The following STOM variants were observed in gnomAD, a reference collection of about 807,000 sequenced individuals.
STOM encodes erythrocyte band 7 integral membrane protein.
STOM carries 25 observed loss-of-function variants against 30.6 expected under a neutral mutation model. That is an observed-to-expected ratio of 0.82 (90% CI 0.60 to 1.14). STOM has a LOEUF of 1.14. Ranked by LOEUF, STOM falls within the 50% of genes most tolerant of loss-of-function variation. The pLI is 0.00. For synonymous variants in STOM, 118 were observed against 130.8 expected (o/e 0.90, Z 0.67); for missense variants, 292 against 365.2 (o/e 0.80, Z 1.63).
intron 3 of STOM, among the ~76,000 whole-genome samples, chr9:121,353,864 A>C (rs530436945): frequency 4.6e-5 from 7 of 152,218 alleles, no homozygotes; most frequent in Non-Finnish European, 1.0e-4. Flanking sequence ...CTCAAGACTC[A>C]GTCAAGATGT....
At chr9:121,361,948 A>G (rs1227928277) in intron 1 of STOM, among the ~76,000 whole-genome samples, 3 of 152,202 alleles carry the variant, frequency 2.0e-5, no homozygotes, top group African/African-American at 7.2e-5. Context: ...TGTGCAGTTC[A>G]CAATAGGGTT....
At chr9:121,354,804 C>A in intron 2 of STOM, 131 bp from the exon 3 acceptor site, 1 of 592,842 alleles carries the variant, frequency 1.7e-6, no homozygotes, top group South Asian at 2.4e-5. Flanking sequence ...CAGATCATAT[C>A]TATAAATCAC....
At chr9:121,355,518 T>C (rs1016255548) in intron 2 of STOM, among the ~76,000 whole-genome samples, 8 of 152,178 alleles carry the variant, frequency 5.3e-5, no homozygotes, top group Non-Finnish European at 1.2e-4. Context: ...TTTTATCTTC[T>C]TAGAAATATG....
rs947287338 is a variant in STOM at position 121,339,299 on chromosome 9, G to A, written c.*1903C>T. On this transcript the variant is annotated 3_prime_UTR_variant, in exon 7 of 7. Transcript: ENST00000286713. Reference sequence around the variant, plus strand: ...GGAACCAAAAGCACTGTTACTCTAAGTCTCAGAAAAGGTTTTCAGTCAGGA... The same window carrying A: ...GGAACCAAAAGCACTGTTACTCTAAATCTCAGAAAAGGTTTTCAGTCAGGA... 8 of 192,654 alleles carry A rather than the reference G, an allele frequency of 4.2e-5. No homozygotes were observed. Among genetic ancestry groups the A allele is most frequent in the Middle Eastern group, 3.8e-3 (2 of 530 alleles). The allele number at this position is 192,654 out of a possible 1,614,324, so 11.9% of individuals were successfully genotyped here.
At chr9:121,355,399 A>AAG (rs1314128325) in intron 2 of STOM, among the ~76,000 whole-genome samples, 1 of 151,784 alleles carries the variant, frequency 6.6e-6, no homozygotes, top group Non-Finnish European at 1.5e-5. Flanking sequence ...AAAAAAAAAA[A>AAG]AAAAATTACT....
rs1183041735 is a variant in STOM, at chr9:121,339,738, T to C, written c.*1464A>G. ...GCAAAACAGAAGATGTCTCCTAATATTATAGACTAAGAATTTGTTGTCCAG... is the reference window on the plus strand; with the variant it reads ...GCAAAACAGAAGATGTCTCCTAATACTATAGACTAAGAATTTGTTGTCCAG... On this transcript the variant is annotated 3_prime_UTR_variant, in exon 7 of 7. Transcript: ENST00000286713. 4.9e-6 allele frequency: 6 copies of C among 1,228,934 alleles called. No individual in the cohort carries two copies. The highest frequency in any genetic ancestry group is 1.0e-6 in the Non-Finnish European group (1 of 986,498). The allele number at this position is 1,228,934 out of a possible 1,614,324, so 76.1% of individuals were successfully genotyped here.
Position 121,370,116 on chromosome 9 carries a change from G to C in STOM, c.61+11C>G. 6.5e-7 allele frequency: 1 copy of C among 1,538,892 alleles called. No homozygotes were observed. The highest frequency in any genetic ancestry group is 1.4e-5 in the African/African-American group (1 of 73,042). On this transcript the variant is annotated intron_variant, in intron 1 of 6. Transcript: ENST00000286713. ...GGTCCACGGGGGAGGGTCAGGGGACGCGGGACTCACCCTTGAAGGAGTCGG... is the reference window on the plus strand; with the variant it reads ...GGTCCACGGGGGAGGGTCAGGGGACCCGGGACTCACCCTTGAAGGAGTCGG...
At chr9:121,369,920 T>C (rs2064547655) in intron 1 of STOM, 2 of 502,224 alleles carry the variant, frequency 4.0e-6, no homozygotes, top group South Asian at 3.2e-5. Context: ...AAACGTGCCG[T>C]TGGCAGCCCG....
chr9:121,354,612 G>T lies in STOM; in HGVS notation c.227C>A (p.Ala76Asp). ...FRLGRILQGGAKGPGLFFILP... is the reference protein window; with the variant it reads ...FRLGRILQGGDKGPGLFFILP... ...ATCCCAGTACTGACCAGGTCCTTTGGCTCCTCCTTGTAAAATGCGACCCAA... is the reference window on the plus strand; with the variant it reads ...ATCCCAGTACTGACCAGGTCCTTTGTCTCCTCCTTGTAAAATGCGACCCAA... The change falls in exon 3 of 7, where the codon GCC (alanine) becomes GAC (aspartate). Residue 76 changes from alanine to aspartate, a missense_variant. Ala to Asp is a moderately radical substitution (Grantham distance 126). Coordinates refer to ENST00000286713, the MANE Select transcript of STOM (RefSeq NM_004099.6). 1.9e-6 allele frequency: 3 copies of T among 1,611,706 alleles called. No individual in the cohort carries two copies. The highest frequency in any genetic ancestry group is 2.5e-6 in the Non-Finnish European group (3 of 1,178,444).
chr9:121,354,339 T>C (rs1368067457), intron 3 of STOM, among the ~76,000 whole-genome samples: 1 of 152,036 alleles, frequency 6.6e-6, no homozygotes, highest in African/African-American at 2.4e-5. Context: ...GAAGAGGCCC[T>C]CATAAGGGAA....
At chr9:121,349,537 C>G (rs1185728345) in intron 4 of STOM, among the ~76,000 whole-genome samples, 1 of 152,114 alleles carries the variant, frequency 6.6e-6, no homozygotes, top group East Asian at 1.9e-4. Context: ...TATCACTCAA[C>G]AGCAGGCACT....
At chr9:121,348,355 T>C (rs1435888726) in intron 5 of STOM, among the ~76,000 whole-genome samples, 1 of 152,230 alleles carries the variant, frequency 6.6e-6, no homozygotes, top group Non-Finnish European at 1.5e-5. Flanking sequence ...GGTTAGCAGC[T>C]TCTTCTAAAA....
In STOM at chr9:121,341,271, T is replaced by C; in HGVS notation, c.798A>G (p.Thr266=). The C allele has an allele frequency of 6.2e-7, 1 of 1,614,176 alleles. No individual in the cohort carries two copies. Among genetic ancestry groups the C allele is most frequent in the Non-Finnish European group, 8.5e-7 (1 of 1,180,034 alleles). Residue 266 remains threonine, a synonymous_variant, in exon 7 of 7, where the codon ACA becomes ACG. Coordinates refer to ENST00000286713, the MANE Select transcript of STOM (RefSeq NM_004099.6). ...LTTIAAEKNS[T]IVFPLPIDML... Reference sequence around the variant, plus strand: ...TATCTATGGGCAGAGGGAAGACAATTGTTGAGTTTTTCTCAGCAGCAATGG... The same window carrying C: ...TATCTATGGGCAGAGGGAAGACAATCGTTGAGTTTTTCTCAGCAGCAATGG...
At chr9:121,364,912 C>T (rs577875838) in intron 1 of STOM, among the ~76,000 whole-genome samples, 2 of 152,286 alleles carry the variant, frequency 1.3e-5, no homozygotes, top group East Asian at 1.9e-4. Flanking sequence ...AATAGGTTCA[C>T]AGATGGCTCT....
chr9:121,345,984 A>G (rs306791), intron 6 of STOM, among the ~76,000 whole-genome samples: 36,916 of 151,606 alleles, frequency 0.24, 5,224 homozygotes, highest in African/African-American at 0.39. Context: ...ATTATTATTA[A>G]TTTTTTATTT....
At chr9:121,355,578 C>T (rs1015599524) in intron 2 of STOM, among the ~76,000 whole-genome samples, 9 of 152,070 alleles carry the variant, frequency 5.9e-5, no homozygotes, top group African/African-American at 1.7e-4. Flanking sequence ...GAAAAAATAA[C>T]GAGCACTGAG....
chr9:121,353,669 G>T (rs530490948), intron 3 of STOM, among the ~76,000 whole-genome samples: 1 of 151,748 alleles, frequency 6.6e-6, no homozygotes, highest in Non-Finnish European at 1.5e-5. Flanking sequence ...CCTCCCCCAC[G>T]CATGGTCCTG....
At chr9:121,358,653 A>G (rs2064420727) in intron 1 of STOM, among the ~76,000 whole-genome samples, 1 of 152,196 alleles carries the variant, frequency 6.6e-6, no homozygotes, top group African/African-American at 2.4e-5. Context: ...GAGATTTTAT[A>G]TTATGAATTT....
intron 1 of STOM, among the ~76,000 whole-genome samples, chr9:121,363,931 C>G (rs2064478898): frequency 1.3e-5 from 2 of 152,128 alleles, no homozygotes; most frequent in South Asian, 4.1e-4. Context: ...TGAAAATAAG[C>G]AAAAGGGCAG....
Sources: allele counts gnomAD v4.1 joint callset (sites outside exome capture counted in the v4.1 genomes callset), GRCh38; gene constraint gnomAD v4.1.1; transcripts MANE v1.5; gene names NCBI Gene and HGNC (gene_info 2026-07-23, HGNC 2026-07-21).